Variants in FRYL observed in about 807,000 individuals in gnomAD.
FRYL encodes protein furry homolog-like.
Under a neutral mutation model 351.2 loss-of-function variants are expected in FRYL, and 150 were observed. The ratio of observed to expected loss-of-function variants is 0.43; its 90% CI spans 0.37 to 0.49. The LOEUF is 0.49. Ranked by LOEUF, FRYL falls within the 20% of genes least tolerant of loss-of-function variation. FRYL has a pLI of 0.00. For missense variants in FRYL, 3,036 were observed against 3,619.3 expected (o/e 0.84, Z 4.13); for synonymous variants, 1,153 against 1,257.1 (o/e 0.92, Z 1.75).
intron 1 of FRYL, among the ~76,000 whole-genome samples, chr4:48,755,587 A>T (rs541584580): frequency 6.6e-6 from 1 of 152,130 alleles, no homozygotes; most frequent in African/African-American, 2.4e-5. Context: ...ACTGTACCTT[A>T]TATGTTCTCC....
Position 48,528,244 on chromosome 4 carries a change from G to C in FRYL, c.6996C>G (p.Ser2332=). ...PKVIAVTRST[S]STSSGSNSNA... ...TAGAATTAGAACCAGAAGAAGTTGAGGAAGTACTTCTAGTGACAGCAATAA... is the reference window on the plus strand; with the variant it reads ...TAGAATTAGAACCAGAAGAAGTTGACGAAGTACTTCTAGTGACAGCAATAA... The change falls in exon 51 of 64, where the codon TCC becomes TCG. Residue 2332 remains serine (S), a synonymous_variant. Transcript: ENST00000358350. 1 of 1,612,662 alleles carries C rather than the reference G, an allele frequency of 6.2e-7. No homozygotes were observed. The highest frequency in any genetic ancestry group is 8.5e-7 in the Non-Finnish European group (1 of 1,178,864).
At chr4:48,728,348 A>T (rs1457365740) in intron 1 of FRYL, among the ~76,000 whole-genome samples, 1 of 151,876 alleles carries the variant, frequency 6.6e-6, no homozygotes, top group East Asian at 1.9e-4. Context: ...GAGTGGGGGA[A>T]AAAAAAACAG....
intron 3 of FRYL, among the ~76,000 whole-genome samples, chr4:48,674,548 G>A (rs572190369): frequency 6.6e-6 from 1 of 151,594 alleles, no homozygotes; most frequent in Admixed American, 6.6e-5. Context: ...CCATCCTGGC[G>A]AACACGGTGA....
intron 1 of FRYL, among the ~76,000 whole-genome samples, chr4:48,723,100 T>C (rs1257644822): frequency 6.6e-6 from 1 of 152,222 alleles, no homozygotes; most frequent in South Asian, 2.1e-4. Flanking sequence ...TTGTTTGTTT[T>C]GTTTTGTCTA....
intron 3 of FRYL, among the ~76,000 whole-genome samples, chr4:48,662,728 C>A (rs1320424102): frequency 2.2e-5 from 3 of 135,510 alleles, no homozygotes; most frequent in African/African-American, 8.4e-5. Context: ...GAGTTTGAGA[C>A]CAGCCTTGGC....
chr4:48,567,445 G>A lies in FRYL; in HGVS notation c.2997-25C>T. On this transcript the variant is annotated intron_variant, in intron 27 of 63. Transcript: ENST00000358350. The surrounding 1 kb of genome is among the most constrained non-coding windows in gnomAD (Gnocchi z 4.2). ...ACTGAAAATATTGAAGAAAACAAAA[G>A]ATGAAGTAAATGGGACTTTATGATT... 2.6e-6 allele frequency: 4 copies of A among 1,546,372 alleles called. No individual in the cohort carries two copies. The highest frequency in any genetic ancestry group is 3.5e-6 in the Non-Finnish European group (4 of 1,145,932).
chr4:48,521,705 A>C (rs1278912345), intron 54 of FRYL, among the ~76,000 whole-genome samples: 2 of 152,214 alleles, frequency 1.3e-5, no homozygotes, highest in Non-Finnish European at 2.9e-5. Flanking sequence ...CACGTAAAAC[A>C]CCTTGAACAG....
chr4:48,646,959 T>C (rs185399165), intron 3 of FRYL, among the ~76,000 whole-genome samples: 6 of 152,198 alleles, frequency 3.9e-5, no homozygotes, highest in Admixed American at 2.0e-4. Flanking sequence ...AGGAAATATA[T>C]AGACACACGG....
chr4:48,556,395 T>G (rs1228337936), intron 35 of FRYL, among the ~76,000 whole-genome samples: 1 of 152,238 alleles, frequency 6.6e-6, no homozygotes. Context: ...CTTTCTCCCC[T>G]GGAAGGCAAA....
At chr4:48,662,951 A>T (rs2149479683) in intron 3 of FRYL, among the ~76,000 whole-genome samples, 1 of 152,256 alleles carries the variant, frequency 6.6e-6, no homozygotes, top group East Asian at 1.9e-4. Flanking sequence ...TCACCAACAA[A>T]TCTGCACTAC....
At chr4:48,655,736 T>C (rs1758736129) in intron 3 of FRYL, among the ~76,000 whole-genome samples, 1 of 146,320 alleles carries the variant, frequency 6.8e-6, no homozygotes. Flanking sequence ...TATATAAAAT[T>C]ATATCTAATG....
At chr4:48,655,862 T>C (rs1429474490) in intron 3 of FRYL, among the ~76,000 whole-genome samples, 1 of 142,400 alleles carries the variant, frequency 7.0e-6, no homozygotes, top group East Asian at 2.0e-4. Flanking sequence ...ATTATATACA[T>C]ACATATATAC....
In FRYL at chr4:48,567,944, T is replaced by G. The variant is rs1291714455; in HGVS notation, c.2997-524A>C. Among the ~76,000 whole-genome samples the G allele has an allele frequency of 6.6e-6, 1 of 152,180 alleles. No homozygotes were observed. The highest frequency in any genetic ancestry group is 2.4e-5 in the African/African-American group (1 of 41,442). On this transcript the variant is annotated intron_variant, in intron 27 of 63. Coordinates refer to ENST00000358350, the MANE Select transcript of FRYL (RefSeq NM_015030.2). The surrounding 1 kb of genome is among the most constrained non-coding windows in gnomAD (Gnocchi z 4.2). ...GGTAGAGTACTGGGTTTCAAAACCT[T>G]TCTATACCTATGAAATTGCCTTTAA...
At chr4:48,557,814 C>T (rs1292619985) in intron 33 of FRYL, 102 bp from the exon 34 acceptor site, 24 of 1,287,630 alleles carry the variant, frequency 1.9e-5, no homozygotes, top group Non-Finnish European at 2.6e-5. Flanking sequence ...ATTCATTTTA[C>T]TCATTACACT....
At chr4:48,740,437 G>A (rs924445298) in intron 1 of FRYL, among the ~76,000 whole-genome samples, 6 of 151,862 alleles carry the variant, frequency 4.0e-5, no homozygotes, top group Non-Finnish European at 7.4e-5. Context: ...TGGGACTACA[G>A]GTGCGCACCA....
intron 3 of FRYL, among the ~76,000 whole-genome samples, chr4:48,672,475 A>C (rs1404294274): frequency 1.3e-5 from 2 of 152,214 alleles, no homozygotes; most frequent in African/African-American, 4.8e-5. Context: ...TAAGAAAAGG[A>C]ACATATTTCA....
intron 1 of FRYL, among the ~76,000 whole-genome samples, chr4:48,752,122 A>T (rs1773310844): frequency 6.6e-6 from 1 of 152,194 alleles, no homozygotes; most frequent in South Asian, 2.1e-4. Flanking sequence ...TATATACTGG[A>T]CAATAGTATT....
chr4:48,764,541 AAAAG>A (rs1231240240), intron 1 of FRYL, among the ~76,000 whole-genome samples: 34 of 146,714 alleles, frequency 2.3e-4, no homozygotes, highest in East Asian at 1.6e-3. Context: ...AAAAAAAAAG[AAAAG>A]AAAAGAAAAG....
chr4:48,584,098 TA>T (rs1578223501), intron 19 of FRYL, among the ~76,000 whole-genome samples: 1 of 152,018 alleles, frequency 6.6e-6, no homozygotes, highest in Non-Finnish European at 1.5e-5. Context: ...GAAATTCTTT[TA>T]AAAAAATGGC....
Sources: allele counts gnomAD v4.1 joint callset (sites outside exome capture counted in the v4.1 genomes callset), GRCh38; gene constraint gnomAD v4.1.1; non-coding constraint Gnocchi (gnomAD v3.1); transcripts MANE v1.5; gene names NCBI Gene and HGNC (gene_info 2026-07-23, HGNC 2026-07-21).